The following CNTN5 variants were observed in gnomAD, a reference collection of about 807,000 sequenced individuals.
The protein encoded by CNTN5 is contactin-5.
CNTN5 carries 77 observed loss-of-function variants against 129.1 expected under a neutral mutation model. The observed-to-expected ratio is 0.60, with a 90% CI of 0.50 to 0.72. CNTN5 has a LOEUF of 0.72. Among genes scored for constraint, CNTN5 ranks in the 30% least tolerant of loss-of-function variants. CNTN5 has a pLI of 0.00. For synonymous variants in CNTN5, 509 were observed against 465.6 expected (o/e 1.09, Z -1.20); for missense variants, 1,478 against 1,328.8 (o/e 1.11, Z -1.75).
At chr11:100,017,057 T>C (rs1245657932) in intron 9 of CNTN5, among the ~76,000 whole-genome samples, 1 of 151,972 alleles carries the variant, frequency 6.6e-6, no homozygotes, top group Non-Finnish European at 1.5e-5. Context: ...CTTTTGATCA[T>C]TTTTATTCCC....
chr11:99,214,288 T>G (rs1030389235), intron 1 of CNTN5, among the ~76,000 whole-genome samples: 2 of 151,532 alleles, frequency 1.3e-5, no homozygotes, highest in Non-Finnish European at 2.9e-5. Context: ...AAAACACATT[T>G]AAGTGTGACT....
At chr11:99,107,871 C>A (rs1303631652) in intron 1 of CNTN5, among the ~76,000 whole-genome samples, 1 of 145,252 alleles carries the variant, frequency 6.9e-6, no homozygotes, top group Non-Finnish European at 1.5e-5. Context: ...GCAGAGGTTG[C>A]AGTGAGCCAA....
intron 3 of CNTN5, among the ~76,000 whole-genome samples, chr11:99,638,299 G>C (rs1951639969): frequency 6.6e-6 from 1 of 152,026 alleles, no homozygotes; most frequent in Non-Finnish European, 1.5e-5. Flanking sequence ...CTCCCACTGG[G>C]TCCCTTCCAC....
intron 2 of CNTN5, among the ~76,000 whole-genome samples, chr11:99,426,091 A>G (rs901414533): frequency 4.9e-4 from 74 of 152,338 alleles, no homozygotes; most frequent in African/African-American, 1.8e-3. Context: ...AATATAATCT[A>G]AAAAGAATTA....
chr11:100,034,647 T>C (rs540481736), intron 9 of CNTN5, among the ~76,000 whole-genome samples: 97 of 152,350 alleles, frequency 6.4e-4, no homozygotes, highest in African/African-American at 2.2e-3. Context: ...AGCACAGCCA[T>C]GTCCATTTAC....
At chr11:100,225,523 C>T (rs938484482) in intron 16 of CNTN5, 2 of 152,056 alleles carry the variant, frequency 1.3e-5, no homozygotes, top group Admixed American at 6.6e-5. Flanking sequence ...TTCCTTTCCT[C>T]CTTCCTTCTT....
intron 23 of CNTN5, among the ~76,000 whole-genome samples, chr11:100,347,868 CAGG>C (rs1952320114): frequency 1.3e-5 from 2 of 152,068 alleles, no homozygotes; most frequent in Admixed American, 6.6e-5. Flanking sequence ...CCATCCCTCT[CAGG>C]AGTAGTTTGG....
intron 17 of CNTN5, among the ~76,000 whole-genome samples, chr11:100,262,518 T>C (rs1591449206): frequency 6.6e-6 from 1 of 152,194 alleles, no homozygotes; most frequent in South Asian, 2.1e-4. Context: ...CTATTCACAA[T>C]AGCAAAGACT....
intron 2 of CNTN5, among the ~76,000 whole-genome samples, chr11:99,384,236 T>C (rs1302353509): frequency 6.6e-6 from 1 of 152,238 alleles, no homozygotes; most frequent in East Asian, 1.9e-4. Flanking sequence ...AGCTGTGCTT[T>C]AATGCAAGCC....
chr11:99,841,312 T>A (rs1033366156), intron 4 of CNTN5, among the ~76,000 whole-genome samples: 1 of 152,158 alleles, frequency 6.6e-6, no homozygotes, highest in African/African-American at 2.4e-5. Flanking sequence ...AAATCTTACT[T>A]CTCTAGTTTT....
intron 2 of CNTN5, among the ~76,000 whole-genome samples, chr11:99,380,197 G>T (rs1048546731): frequency 2.6e-5 from 4 of 151,730 alleles, no homozygotes; most frequent in Admixed American, 6.6e-5. Context: ...AGAAATATTT[G>T]TCCTTTGTTT....
chr11:99,432,047 A>G (rs1011503097), intron 2 of CNTN5, among the ~76,000 whole-genome samples: 1 of 152,214 alleles, frequency 6.6e-6, no homozygotes, highest in African/African-American at 2.4e-5. Context: ...AGGTGAGAGT[A>G]GCTGCCTTTG....
intron 21 of CNTN5, among the ~76,000 whole-genome samples, chr11:100,311,110 C>CAG (rs1045180042): frequency 4.0e-5 from 6 of 151,896 alleles, no homozygotes; most frequent in African/African-American, 1.4e-4. Flanking sequence ...GACAGAAGAG[C>CAG]AGAGGGGCAG....
At chr11:99,901,574 C>T (rs1051808533) in intron 6 of CNTN5, among the ~76,000 whole-genome samples, 5 of 151,950 alleles carry the variant, frequency 3.3e-5, no homozygotes, top group Admixed American at 1.3e-4. Context: ...ATTACAGGCA[C>T]GAGCCACCAT....
chr11:99,786,488 A>T (rs1394196470), intron 3 of CNTN5, among the ~76,000 whole-genome samples: 1 of 152,220 alleles, frequency 6.6e-6, no homozygotes, highest in Non-Finnish European at 1.5e-5. Flanking sequence ...TTCTTCACAG[A>T]ATTAGAAAAA....
intron 9 of CNTN5, among the ~76,000 whole-genome samples, chr11:100,033,407 G>T (rs944527321): frequency 6.6e-6 from 1 of 152,054 alleles, no homozygotes; most frequent in Admixed American, 6.6e-5. Context: ...AAGGTTTCTG[G>T]CCTTGACTTT....
chr11:99,756,630 C>A (rs1944412672), intron 3 of CNTN5, among the ~76,000 whole-genome samples: 1 of 152,024 alleles, frequency 6.6e-6, no homozygotes, highest in Non-Finnish European at 1.5e-5. Context: ...GATCTTTGAA[C>A]ATTTACAAAG....
chr11:99,062,875 T>C (rs1864945522), intron 1 of CNTN5, among the ~76,000 whole-genome samples: 1 of 152,130 alleles, frequency 6.6e-6, no homozygotes, highest in Non-Finnish European at 1.5e-5. Flanking sequence ...TTAAATTCAG[T>C]ATTTTAAGGA....
Position 100,193,685 on chromosome 11 carries a change from C to A in CNTN5, c.1884+22C>A, listed in dbSNP as rs148062947. Reference sequence around the variant, plus strand: ...GGCCGTAAGTGAATACACTTTTATTCTTTTAGTAATGATAACTTTAGAAAT... The same window carrying A: ...GGCCGTAAGTGAATACACTTTTATTATTTTAGTAATGATAACTTTAGAAAT... On this transcript the variant is annotated intron_variant, in intron 15 of 24. Transcript: ENST00000524871. The A allele has an allele frequency of 8.2e-3, 13,083 of 1,592,392 alleles. 57 individuals carry two copies. Among genetic ancestry groups the A allele is most frequent in the Middle Eastern group, 0.013 (75 of 5,996 alleles).
Sources: gnomAD v4.1 joint callset for allele counts (sites outside exome capture counted in the v4.1 genomes callset) on GRCh38, gnomAD v4.1.1 for gene constraint, MANE v1.5 for transcripts, NCBI Gene and HGNC (gene_info 2026-07-23, HGNC 2026-07-21) for gene names.